The following PCDH9 variants were observed in gnomAD, a reference collection of about 807,000 sequenced individuals.
The protein encoded by PCDH9 is protocadherin-9.
A neutral mutation model predicts 70.6 loss-of-function variants in PCDH9; 24 were observed. The ratio of observed to expected loss-of-function variants is 0.34; its 90% CI spans 0.25 to 0.48. The LOEUF (loss-of-function observed/expected upper bound fraction) is 0.48, where lower values mean the gene tolerates loss of function less well. Ranked by LOEUF, PCDH9 falls within the 20% of genes least tolerant of loss-of-function variation. The pLI is 0.99. For synonymous variants in PCDH9, 562 were observed against 558.5 expected (o/e 1.01, Z -0.09); for missense variants, 1,281 against 1,503.6 (o/e 0.85, Z 2.45).
chr13:67,174,711 G>A (rs2088399927), intron 2 of PCDH9, among the ~76,000 whole-genome samples: 1 of 151,994 alleles, frequency 6.6e-6, no homozygotes, highest in Non-Finnish European at 1.5e-5. Flanking sequence ...TTTTGTGTCA[G>A]GAAAAAGACT....
chr13:67,112,036 C>T (rs1566432119), intron 2 of PCDH9, among the ~76,000 whole-genome samples: 3 of 152,250 alleles, frequency 2.0e-5, no homozygotes, highest in South Asian at 2.1e-4. Context: ...TTTAACAGTG[C>T]AATTTGCTAT....
intron 2 of PCDH9, among the ~76,000 whole-genome samples, chr13:66,920,494 C>G (rs1177495216): frequency 6.0e-5 from 9 of 150,900 alleles, no homozygotes; most frequent in African/African-American, 2.2e-4. Context: ...TTTACCTCAG[C>G]ACATAATTTC....
chr13:66,599,712 T>C (rs1268944602), intron 4 of PCDH9, among the ~76,000 whole-genome samples: 2 of 151,726 alleles, frequency 1.3e-5, no homozygotes, highest in East Asian at 3.9e-4. Context: ...AGCCTCAGCC[T>C]CCCGAGTAGT....
At chr13:66,391,940 A>G (rs928140596) in intron 4 of PCDH9, among the ~76,000 whole-genome samples, 3 of 150,786 alleles carry the variant, frequency 2.0e-5, no homozygotes, top group African/African-American at 7.3e-5. Flanking sequence ...ACACATAGAA[A>G]CATATATATG....
intron 3 of PCDH9, among the ~76,000 whole-genome samples, chr13:66,898,406 T>G (rs1287656781): frequency 6.6e-6 from 1 of 152,028 alleles, no homozygotes; most frequent in Non-Finnish European, 1.5e-5. Context: ...TTTATTACTC[T>G]AAAATATAAT....
intron 4 of PCDH9, among the ~76,000 whole-genome samples, chr13:66,328,472 T>C (rs1266797175): frequency 1.3e-5 from 2 of 152,224 alleles, no homozygotes; most frequent in South Asian, 4.1e-4. Flanking sequence ...TTCATTATTT[T>C]ATTTTTATCT....
chr13:67,156,606 G>T (rs1033240518), intron 2 of PCDH9, among the ~76,000 whole-genome samples: 1 of 152,104 alleles, frequency 6.6e-6, no homozygotes, highest in Non-Finnish European at 1.5e-5. Context: ...CTCAATAAAA[G>T]CTTGCACTCA....
intron 4 of PCDH9, among the ~76,000 whole-genome samples, chr13:66,615,090 G>A (rs184382606): frequency 8.1e-4 from 124 of 152,286 alleles, no homozygotes; most frequent in Non-Finnish European, 1.5e-3. Flanking sequence ...CAAATATTTA[G>A]GCTAAATTGT....
chr13:67,126,673 A>G (rs940656380), intron 2 of PCDH9, among the ~76,000 whole-genome samples: 13 of 152,086 alleles, frequency 8.5e-5, no homozygotes, highest in African/African-American at 3.1e-4. Context: ...ACATGGTGAA[A>G]CCCCATCTCT....
intron 2 of PCDH9, among the ~76,000 whole-genome samples, chr13:67,032,864 A>G (rs566104576): frequency 2.6e-5 from 4 of 152,310 alleles, no homozygotes; most frequent in African/African-American, 9.6e-5. Flanking sequence ...TGAAGCATTC[A>G]GTCAGTTATT....
intron 4 of PCDH9, among the ~76,000 whole-genome samples, chr13:66,476,372 T>A (rs1464773646): frequency 2.0e-5 from 3 of 152,108 alleles, no homozygotes; most frequent in Non-Finnish European, 4.4e-5. Flanking sequence ...CTTTATTACA[T>A]AGAGATAGAT....
At chr13:67,048,365 A>G (rs1355504634) in intron 2 of PCDH9, among the ~76,000 whole-genome samples, 2 of 152,202 alleles carry the variant, frequency 1.3e-5, no homozygotes, top group African/African-American at 4.8e-5. Context: ...TATATGTGCC[A>G]TAAGTGGCTC....
At chr13:66,403,733 A>G (rs1462306955) in intron 4 of PCDH9, among the ~76,000 whole-genome samples, 1 of 152,158 alleles carries the variant, frequency 6.6e-6, no homozygotes, top group Non-Finnish European at 1.5e-5. Context: ...GCCATCACCC[A>G]TGATATAGCC....
At chr13:67,063,953 A>G (rs909535084) in intron 2 of PCDH9, among the ~76,000 whole-genome samples, 7 of 152,140 alleles carry the variant, frequency 4.6e-5, no homozygotes, top group African/African-American at 1.7e-4. Context: ...GAGCAAGAAC[A>G]TTTTGCATAA....
chr13:67,063,068 A>G (rs1330548326), intron 2 of PCDH9, among the ~76,000 whole-genome samples: 1 of 152,170 alleles, frequency 6.6e-6, no homozygotes, highest in Non-Finnish European at 1.5e-5. Flanking sequence ...TTAATGGTTT[A>G]AAGCAAACAA....
intron 2 of PCDH9, among the ~76,000 whole-genome samples, chr13:67,035,006 A>G (rs940575533): frequency 7.2e-5 from 11 of 152,240 alleles, no homozygotes; most frequent in Admixed American, 3.9e-4. Context: ...GGTAGCATGT[A>G]CATGTATATA....
intron 2 of PCDH9, among the ~76,000 whole-genome samples, chr13:66,979,881 TCCA>T (rs2083703670): frequency 6.6e-6 from 1 of 152,090 alleles, no homozygotes; most frequent in Non-Finnish European, 1.5e-5. Context: ...CTTTGCCCAC[TCCA>T]CCATCTGCTA....
chr13:66,752,497 A>G (rs2079476329), intron 3 of PCDH9, among the ~76,000 whole-genome samples: 1 of 152,138 alleles, frequency 6.6e-6, no homozygotes, highest in Non-Finnish European at 1.5e-5. Context: ...GGGTTTCACC[A>G]TGTTGCCTAG....
At chr13:66,992,634 A>T (rs114423085) in intron 2 of PCDH9, among the ~76,000 whole-genome samples, 2,716 of 152,206 alleles carry the variant, frequency 0.018, 76 homozygotes, top group African/African-American at 0.063. Context: ...ATGGTTGGTT[A>T]TATATTTATA....
Sources: gnomAD v4.1 joint callset for allele counts (sites outside exome capture counted in the v4.1 genomes callset) on GRCh38, gnomAD v4.1.1 for gene constraint, MANE v1.5 for transcripts, NCBI Gene and HGNC (gene_info 2026-07-23, HGNC 2026-07-21) for gene names.